Variants in SLC8A3 observed in about 807,000 individuals in gnomAD.
SLC8A3 encodes the protein solute carrier family 8 member A3.
A neutral mutation model predicts 65.4 loss-of-function variants in SLC8A3; 37 were observed. The observed-to-expected ratio is 0.57, with a 90% CI of 0.44 to 0.74. SLC8A3 has a LOEUF of 0.74. SLC8A3 is among the 30% of genes least tolerant of loss of function. SLC8A3 has a pLI of 0.00. For synonymous variants in SLC8A3, 461 were observed against 444.5 expected (o/e 1.04, Z -0.47); for missense variants, 1,112 against 1,172.1 (o/e 0.95, Z 0.75).
intron 2 of SLC8A3, among the ~76,000 whole-genome samples, chr14:70,132,924 G>T (rs1041752439): frequency 3.9e-5 from 6 of 152,064 alleles, no homozygotes; most frequent in African/African-American, 1.4e-4. Flanking sequence ...TCTGCTGCCT[G>T]CCTATGGTAA....
chr14:70,048,270 A>G, intron 6 of SLC8A3: 1 of 245,288 alleles, frequency 4.1e-6, no homozygotes, highest in Non-Finnish European at 7.9e-6. Flanking sequence ...GTATGTGGGC[A>G]TTTCTCCTTT....
At chr14:70,086,401 C>CTTTTTTTTTTTTTTTTTTTTTTTTT (rs10605312) in intron 2 of SLC8A3, among the ~76,000 whole-genome samples, 10 of 116,148 alleles carry the variant, frequency 8.6e-5, no homozygotes, top group Non-Finnish European at 1.6e-4. Context: ...TTTCTTTTTT[C>CTTTTTTTTTTTTTTTTTTTTTTTTT]TTTTTTTTTT....
chr14:70,151,388 C>T (rs754069340), intron 2 of SLC8A3, among the ~76,000 whole-genome samples: 69 of 151,980 alleles, frequency 4.5e-4, no homozygotes, highest in Non-Finnish European at 4.0e-4. Flanking sequence ...GAGAAAGTGG[C>T]CATTTATTTT....
Position 70,168,026 on chromosome 14 carries a change from C to G in SLC8A3, c.397G>C (p.Val133Leu). The G allele has an allele frequency of 1.9e-6, 3 of 1,614,164 alleles. No individual in the cohort carries two copies. Among genetic ancestry groups the G allele is most frequent in the Non-Finnish European group, 2.5e-6 (3 of 1,180,026 alleles). ...TTTIRVWNET[V>L]SNLTLMALGS... ...AGGGCCATAAGGGTCAGGTTGGAGA[C>G]AGTTTCATTCCAGACCCGAATAGTG... Residue 133 changes from valine (V) to leucine (L), a missense_variant, in exon 2 of 7, where the codon GTC (valine) becomes CTC (leucine). Coordinates refer to ENST00000356921, the MANE Select transcript of SLC8A3 (RefSeq NM_182932.3).
chr14:70,180,824 G>A (rs956535356), intron 1 of SLC8A3, among the ~76,000 whole-genome samples: 8 of 152,150 alleles, frequency 5.3e-5, no homozygotes, highest in Non-Finnish European at 1.0e-4. Context: ...CTGACTGGTG[G>A]CTGCACATTG....
intron 2 of SLC8A3, among the ~76,000 whole-genome samples, chr14:70,157,800 G>A (rs1435699532): frequency 6.6e-6 from 1 of 152,190 alleles, no homozygotes; most frequent in Non-Finnish European, 1.5e-5. Flanking sequence ...ACTTCATAGT[G>A]AAGGCAAAAA....
intron 2 of SLC8A3, among the ~76,000 whole-genome samples, chr14:70,090,299 C>G (rs1891718697): frequency 6.6e-6 from 1 of 152,188 alleles, no homozygotes; most frequent in Non-Finnish European, 1.5e-5. Context: ...ATACTGTGTT[C>G]TGAATTTTAT....
intron 3 of SLC8A3, 70 bp from the exon 4 acceptor site, chr14:70,052,184 T>C (rs1363539184): frequency 4.0e-6 from 6 of 1,515,376 alleles, no homozygotes; most frequent in Non-Finnish European, 5.3e-6. Flanking sequence ...GCTCAGAGTA[T>C]TAGGCATGGG....
chr14:70,155,469 A>T (rs974194428), intron 2 of SLC8A3, among the ~76,000 whole-genome samples: 5 of 152,180 alleles, frequency 3.3e-5, no homozygotes, highest in Admixed American at 6.5e-5. Context: ...GAGTGAGAAT[A>T]TGTGGTATTA....
At chr14:70,064,205 C>G (rs1319665771) in intron 2 of SLC8A3, among the ~76,000 whole-genome samples, 1 of 152,152 alleles carries the variant, frequency 6.6e-6, no homozygotes, top group Non-Finnish European at 1.5e-5. Context: ...AGTTCTAATC[C>G]TGGATAGGCT....
At chr14:70,114,756 G>A (rs1893546832) in intron 2 of SLC8A3, among the ~76,000 whole-genome samples, 1 of 152,210 alleles carries the variant, frequency 6.6e-6, no homozygotes, top group Admixed American at 6.5e-5. Flanking sequence ...GCATGACTGT[G>A]CTACCTGAGA....
intron 6 of SLC8A3, chr14:70,048,414 CACTT>C: frequency 1.8e-6 from 1 of 566,962 alleles, no homozygotes. Flanking sequence ...GAAATTGGAC[CACTT>C]ACTTGGGCAT....
intron 1 of SLC8A3, among the ~76,000 whole-genome samples, chr14:70,173,223 G>A (rs558445653): frequency 1.3e-5 from 2 of 152,282 alleles, no homozygotes; most frequent in Admixed American, 1.3e-4. Context: ...CTGTAAGTGG[G>A]CAAGACAGGA....
At chr14:70,074,959 G>A (rs1172834221) in intron 2 of SLC8A3, among the ~76,000 whole-genome samples, 1 of 152,062 alleles carries the variant, frequency 6.6e-6, no homozygotes, top group African/African-American at 2.4e-5. Context: ...AGGAAGAGTC[G>A]AGTTTGAGTT....
chr14:70,056,024 C>G (rs925537274), intron 3 of SLC8A3, among the ~76,000 whole-genome samples: 1 of 152,194 alleles, frequency 6.6e-6, no homozygotes, highest in Non-Finnish European at 1.5e-5. Flanking sequence ...GGAGAGGCTG[C>G]TGAGCACCAG....
intron 2 of SLC8A3, among the ~76,000 whole-genome samples, chr14:70,068,369 C>G (rs1348612487): frequency 6.6e-6 from 1 of 152,106 alleles, no homozygotes; most frequent in Non-Finnish European, 1.5e-5. Context: ...GAAGAACTTT[C>G]TTGTTTCATT....
At chr14:70,141,877 A>G (rs1026863050) in intron 2 of SLC8A3, among the ~76,000 whole-genome samples, 12 of 152,188 alleles carry the variant, frequency 7.9e-5, no homozygotes, top group African/African-American at 2.9e-4. Context: ...CTGACCTCAC[A>G]GTGTAACTTT....
intron 2 of SLC8A3, among the ~76,000 whole-genome samples, chr14:70,159,472 GA>G (rs1896760305): frequency 6.6e-6 from 1 of 150,896 alleles, no homozygotes; most frequent in South Asian, 2.1e-4. Context: ...TTGAATAAGT[GA>G]AAGACCACAG....
intron 2 of SLC8A3, among the ~76,000 whole-genome samples, chr14:70,103,567 A>G (rs1226393402): frequency 6.6e-6 from 1 of 152,076 alleles, no homozygotes; most frequent in African/African-American, 2.4e-5. Flanking sequence ...TTTTATGTGA[A>G]GTGGTACAAT....
Sources: allele counts gnomAD v4.1 joint callset (sites outside exome capture counted in the v4.1 genomes callset), GRCh38; gene constraint gnomAD v4.1.1; transcripts MANE v1.5; gene names NCBI Gene and HGNC (gene_info 2026-07-23, HGNC 2026-07-21).